Variants in RBM47 observed in about 807,000 individuals in gnomAD.
RBM47 encodes the protein RNA binding motif protein 47, also known as RNA-binding protein 47.
In RBM47, 21 loss-of-function variants were observed where a neutral mutation model predicts 47.1. That is an observed-to-expected ratio of 0.45 (90% CI 0.32 to 0.64). The LOEUF (loss-of-function observed/expected upper bound fraction) is 0.64, where lower values mean the gene tolerates loss of function less well. Among genes scored for constraint, RBM47 ranks in the 30% least tolerant of loss-of-function variants. RBM47 has a pLI of 0.05. For synonymous variants in RBM47, 375 were observed against 361.7 expected (o/e 1.04, Z -0.42); for missense variants, 708 against 870.9 (o/e 0.81, Z 2.35).
chr4:40,625,807 G>A (rs140860663), intron 1 of RBM47, among the ~76,000 whole-genome samples: 97 of 152,262 alleles, frequency 6.4e-4, no homozygotes, highest in African/African-American at 2.3e-3. Flanking sequence ...ATGTGGCTGA[G>A]TGTAATCTAT....
chr4:40,546,205 C>T (rs1729023663), intron 1 of RBM47, among the ~76,000 whole-genome samples: 1 of 151,716 alleles, frequency 6.6e-6, no homozygotes, highest in Non-Finnish European at 1.5e-5. Context: ...GGCTGGAGTG[C>T]AGTGGCATGA....
intron 3 of RBM47, among the ~76,000 whole-genome samples, chr4:40,452,026 C>G (rs1715518288): frequency 6.6e-6 from 1 of 152,014 alleles, no homozygotes; most frequent in African/African-American, 2.4e-5. Flanking sequence ...AAAAATTAGC[C>G]GGGTGTGGTG....
Position 40,505,524 on chromosome 4 carries a change from T to G in RBM47, c.-154-38825A>C, listed in dbSNP as rs144098114. On this transcript the variant is annotated intron_variant, in intron 2 of 6. Transcript: ENST00000295971. ...AAAAAAAAGATGCTGGACTAAAATTTATAAGCCAGCATTCCCTGGTATTTA... is the reference window on the plus strand; with the variant it reads ...AAAAAAAAGATGCTGGACTAAAATTGATAAGCCAGCATTCCCTGGTATTTA... Among the ~76,000 whole-genome samples, 711 of 151,712 alleles carry G rather than the reference T, an allele frequency of 4.7e-3. 4 individuals carry two copies. The highest frequency in any genetic ancestry group is 7.5e-3 in the Non-Finnish European group (512 of 67,948).
intron 3 of RBM47, among the ~76,000 whole-genome samples, chr4:40,445,789 G>A (rs1164573965): frequency 6.6e-6 from 1 of 152,192 alleles, no homozygotes; most frequent in Non-Finnish European, 1.5e-5. Context: ...GGTGTCTGGG[G>A]ACTAGTGTGA....
At chr4:40,577,595 T>A (rs886810340) in intron 1 of RBM47, among the ~76,000 whole-genome samples, 1 of 151,330 alleles carries the variant, frequency 6.6e-6, no homozygotes, top group East Asian at 1.9e-4. Context: ...CCAATTTTTT[T>A]AAAAATCCTG....
At chr4:40,563,491 G>A (rs191077176) in intron 1 of RBM47, among the ~76,000 whole-genome samples, 1 of 152,112 alleles carries the variant, frequency 6.6e-6, no homozygotes, top group East Asian at 1.9e-4. Context: ...TCTTAAAACC[G>A]CAAAATACCT....
intron 1 of RBM47, among the ~76,000 whole-genome samples, chr4:40,581,293 G>A (rs1314729090): frequency 6.6e-6 from 1 of 151,970 alleles, no homozygotes; most frequent in East Asian, 1.9e-4. Flanking sequence ...ATGGTGACAT[G>A]CGCCTGTAGT....
chr4:40,565,505 C>A (rs911020029), intron 1 of RBM47, among the ~76,000 whole-genome samples: 1 of 152,158 alleles, frequency 6.6e-6, no homozygotes, highest in African/African-American at 2.4e-5. Context: ...CTAAGAGGCA[C>A]AGAGGGACTT....
At chr4:40,517,643 C>G (rs1725736902) in intron 2 of RBM47, among the ~76,000 whole-genome samples, 1 of 152,130 alleles carries the variant, frequency 6.6e-6, no homozygotes, top group Non-Finnish European at 1.5e-5. Context: ...TGAAGTCAAC[C>G]AACCACAGAT....
intron 2 of RBM47, among the ~76,000 whole-genome samples, chr4:40,477,489 G>A (rs1349897090): frequency 6.6e-6 from 1 of 152,066 alleles, no homozygotes; most frequent in African/African-American, 2.4e-5. Context: ...AATTCCTCTC[G>A]ACTACAAATG....
intron 1 of RBM47, among the ~76,000 whole-genome samples, chr4:40,553,608 C>A (rs747686489): frequency 8.5e-5 from 13 of 152,094 alleles, no homozygotes; most frequent in Admixed American, 2.0e-4. Context: ...ATTATGTATT[C>A]ATTTTTATCA....
chr4:40,441,316 CTA>C (rs1182218552), intron 3 of RBM47, among the ~76,000 whole-genome samples: 1 of 151,110 alleles, frequency 6.6e-6, no homozygotes, highest in Non-Finnish European at 1.5e-5. Flanking sequence ...TAGAGTCTCA[CTA>C]TGTTACCCCA....
chr4:40,589,855 A>T (rs925723917), intron 1 of RBM47, among the ~76,000 whole-genome samples: 1 of 152,228 alleles, frequency 6.6e-6, no homozygotes, highest in African/African-American at 2.4e-5. Context: ...GATCAAGAAC[A>T]CTAATCATAA....
chr4:40,441,080 T>C (rs1057030756), intron 3 of RBM47, among the ~76,000 whole-genome samples: 2 of 152,070 alleles, frequency 1.3e-5, no homozygotes. Context: ...CTTGGAAAAT[T>C]AGTTTCTGTA....
chr4:40,490,447 T>C (rs142105739), intron 2 of RBM47, among the ~76,000 whole-genome samples: 22 of 152,218 alleles, frequency 1.4e-4, no homozygotes, highest in African/African-American at 4.8e-4. Flanking sequence ...TTGCAGGACA[T>C]AAAAGCAATA....
chr4:40,453,287 A>G (rs369969833), intron 3 of RBM47, among the ~76,000 whole-genome samples: 7 of 152,342 alleles, frequency 4.6e-5, no homozygotes, highest in African/African-American at 1.7e-4. Context: ...ACTTCCTTCA[A>G]CAAACATTGA....
chr4:40,439,016 G>A, intron 3 of RBM47, 92 bp from the exon 4 acceptor site: 1 of 1,123,092 alleles, frequency 8.9e-7, no homozygotes, highest in Non-Finnish European at 1.2e-6. Context: ...GCATTAATAG[G>A]CCACGGGGAA....
intron 1 of RBM47, among the ~76,000 whole-genome samples, chr4:40,561,289 T>TG (rs1343097033): frequency 6.9e-6 from 1 of 144,032 alleles, no homozygotes; most frequent in African/African-American, 2.6e-5. Context: ...TGGAGTGCAA[T>TG]GGTGCAATCT....
chr4:40,514,464 G>C (rs191046631), intron 2 of RBM47: 1 of 152,076 alleles, frequency 6.6e-6, no homozygotes, highest in African/African-American at 2.4e-5. Flanking sequence ...AACCCAAATC[G>C]TATGCAATTT....
Sources: allele counts gnomAD v4.1 joint callset (sites outside exome capture counted in the v4.1 genomes callset), GRCh38; gene constraint gnomAD v4.1.1; transcripts MANE v1.5; gene names NCBI Gene and HGNC (gene_info 2026-07-23, HGNC 2026-07-21).